The following VRK2 variants were observed in gnomAD, a reference collection of about 807,000 sequenced individuals.
VRK2 encodes the protein serine/threonine-protein kinase VRK2.
Under a neutral mutation model 57.6 loss-of-function variants are expected in VRK2, and 60 were observed. The observed-to-expected ratio is 1.04, with a 90% CI of 0.85 to 1.29. The LOEUF is 1.29. VRK2 is among the 50% of genes most tolerant of loss of function. The pLI is 0.00. For synonymous variants in VRK2, 231 were observed against 199.2 expected (o/e 1.16, Z -1.35); for missense variants, 705 against 588.1 (o/e 1.20, Z -2.06).
chr2:57,970,933 G>C (rs181650786), intron 1 of VRK2, among the ~76,000 whole-genome samples: 1 of 150,778 alleles, frequency 6.6e-6, no homozygotes, highest in Non-Finnish European at 1.5e-5. Flanking sequence ...TGTTTTTCTT[G>C]CTATTTATTT....
chr2:58,042,737 G>A (rs149228039), upstream of VRK2, among the ~76,000 whole-genome samples: 10 of 152,172 alleles, frequency 6.6e-5, no homozygotes, highest in Non-Finnish European at 8.8e-5. Flanking sequence ...TTTTGTGTGC[G>A]TGTATTTGTG....
At chr2:58,008,252 G>A (rs1274627469) in intron 1 of VRK2, among the ~76,000 whole-genome samples, 2 of 151,904 alleles carry the variant, frequency 1.3e-5, no homozygotes, top group South Asian at 2.1e-4. Context: ...AGTACATGAC[G>A]CAAAGATGAA....
At chr2:58,139,524 T>C in intron 10 of VRK2, 142 bp from the exon 11 acceptor site, 1 of 709,266 alleles carries the variant, frequency 1.4e-6, no homozygotes, top group South Asian at 2.3e-5. Context: ...TAAAAAGTTA[T>C]TTTCATTGAA....
chr2:58,153,651 G>A (rs1018502532), intron 12 of VRK2, among the ~76,000 whole-genome samples: 4 of 152,060 alleles, frequency 2.6e-5, no homozygotes, highest in Non-Finnish European at 5.9e-5. Flanking sequence ...CTGTGCTCAT[G>A]AGAGCTGATG....
At chr2:58,081,872 G>A (rs1670927951) in intron 2 of VRK2, among the ~76,000 whole-genome samples, 1 of 150,796 alleles carries the variant, frequency 6.6e-6, no homozygotes, top group Admixed American at 6.7e-5. Context: ...GTGTGTGTGT[G>A]TGTGTGTGTG....
At chr2:58,131,305 T>C (rs1679153272) in intron 8 of VRK2, among the ~76,000 whole-genome samples, 1 of 150,650 alleles carries the variant, frequency 6.6e-6, no homozygotes, top group Non-Finnish European at 1.5e-5. Flanking sequence ...GGCAGTTTTG[T>C]CATATTCTTC....
intron 1 of VRK2, among the ~76,000 whole-genome samples, chr2:57,911,701 A>C (rs1669990619): frequency 6.6e-6 from 1 of 152,348 alleles, no homozygotes; most frequent in African/African-American, 2.4e-5. Context: ...TACAGTGATA[A>C]TCACATACAT....
intron 12 of VRK2, among the ~76,000 whole-genome samples, chr2:58,150,343 T>G (rs1018879995): frequency 6.6e-6 from 1 of 151,442 alleles, no homozygotes; most frequent in Non-Finnish European, 1.5e-5. Flanking sequence ...ATTTGTATTT[T>G]TCAAAGAATT....
chr2:58,144,035 AC>A (rs1681745620), intron 11 of VRK2, among the ~76,000 whole-genome samples: 1 of 148,766 alleles, frequency 6.7e-6, no homozygotes, highest in Non-Finnish European at 1.5e-5. Context: ...ATACATATAT[AC>A]ACACACACAC....
At chr2:58,095,053 T>C (rs1297110271) in intron 7 of VRK2, among the ~76,000 whole-genome samples, 1 of 152,146 alleles carries the variant, frequency 6.6e-6, no homozygotes, top group Non-Finnish European at 1.5e-5. Flanking sequence ...CTCAGCACTT[T>C]GGGAGGCTGA....
intron 10 of VRK2, 99 bp from the exon 11 acceptor site, chr2:58,139,567 A>G: frequency 9.7e-7 from 1 of 1,028,312 alleles, no homozygotes. Flanking sequence ...GGAGATGTAA[A>G]TGTGTAAAAG....
intron 4 of VRK2, among the ~76,000 whole-genome samples, chr2:58,085,754 G>A (rs1182491969): frequency 6.6e-6 from 1 of 151,580 alleles, no homozygotes; most frequent in African/African-American, 2.4e-5. Flanking sequence ...AAACTTGATT[G>A]TTTATCAGTA....
intron 1 of VRK2, among the ~76,000 whole-genome samples, chr2:57,936,547 G>C (rs1214082521): frequency 9.2e-5 from 13 of 141,236 alleles, no homozygotes; most frequent in Non-Finnish European, 1.8e-4. Flanking sequence ...TTTTTTTTGA[G>C]ATAGAGTATC....
chr2:57,985,474 C>G lies in VRK2; in HGVS notation c.-438-40191C>G, dbSNP rs574203573. Among the ~76,000 whole-genome samples, 61 of 152,128 alleles carry G rather than the reference C, an allele frequency of 4.0e-4. 1 individual carries two copies. Among genetic ancestry groups the G allele is most frequent in the African/African-American group, 1.3e-3 (55 of 41,530 alleles). On this transcript the variant is annotated intron_variant, in intron 1 of 15. Transcript: ENST00000417641. Reference sequence around the variant, plus strand: ...TTCTCCAGTCCTCCCCAGAGCCAACCACTCTTTTGACATTTTTTGGTTTCC... The same window carrying G: ...TTCTCCAGTCCTCCCCAGAGCCAACGACTCTTTTGACATTTTTTGGTTTCC...
At chr2:58,073,374 C>T (rs1158892750) in intron 2 of VRK2, among the ~76,000 whole-genome samples, 4 of 151,876 alleles carry the variant, frequency 2.6e-5, no homozygotes, top group Admixed American at 6.6e-5. Flanking sequence ...TTTTTGCCTG[C>T]TGCATCTGTC....
At chr2:58,124,611 G>A (rs1678028431) in intron 8 of VRK2, among the ~76,000 whole-genome samples, 1 of 152,118 alleles carries the variant, frequency 6.6e-6, no homozygotes, top group Non-Finnish European at 1.5e-5. Flanking sequence ...GTTTTAGTTG[G>A]TGAAGACAAC....
intron 2 of VRK2, among the ~76,000 whole-genome samples, chr2:58,062,677 C>G (rs1558583145): frequency 1.3e-5 from 2 of 152,114 alleles, no homozygotes; most frequent in Admixed American, 6.6e-5. Context: ...GCTCCTAACT[C>G]TCTTCCATTC....
At chr2:58,055,371 T>C (rs1255023150) in intron 2 of VRK2, among the ~76,000 whole-genome samples, 1 of 152,196 alleles carries the variant, frequency 6.6e-6, no homozygotes, top group Non-Finnish European at 1.5e-5. Context: ...TTTTTGTGCT[T>C]AAGGTTAAAG....
chr2:57,927,338 G>A (rs1321637749), intron 1 of VRK2, among the ~76,000 whole-genome samples: 11 of 149,866 alleles, frequency 7.3e-5, no homozygotes, highest in African/African-American at 1.2e-4. Context: ...GTCCAGTGGC[G>A]TGATCTCGAC....
Sources: gnomAD v4.1 joint callset for allele counts (sites outside exome capture counted in the v4.1 genomes callset) on GRCh38, gnomAD v4.1.1 for gene constraint, MANE v1.5 for transcripts, NCBI Gene and HGNC (gene_info 2026-07-23, HGNC 2026-07-21) for gene names.